PLEKHD1: variants seen among roughly 807,000 people sequenced by gnomAD.
The protein encoded by PLEKHD1 is pleckstrin homology and coiled-coil domain containing D1.
A neutral mutation model predicts 69.2 loss-of-function variants in PLEKHD1; 51 were observed. The observed-to-expected ratio is 0.74, with a 90% CI of 0.59 to 0.93. PLEKHD1 has a LOEUF of 0.93. Among genes scored for constraint, PLEKHD1 ranks in the 40% least tolerant of loss-of-function variants. The pLI is 0.00. For synonymous variants in PLEKHD1, 236 were observed against 244.7 expected, an observed-to-expected ratio of 0.96 and a Z score of 0.33; for missense variants, 584 against 641.0, an observed-to-expected ratio of 0.91 and a Z score of 0.96.
chr14:69,517,810 A>G (rs1231408260), intron 6 of PLEKHD1, among the ~76,000 whole-genome samples: 1 of 151,960 alleles, frequency 6.6e-6, no homozygotes, highest in Non-Finnish European at 1.5e-5. Context: ...TCTGTCACCT[A>G]AAGAATCACC....
At chr14:69,525,170 C>T (rs1393616971) in intron 8 of PLEKHD1, among the ~76,000 whole-genome samples, 1 of 152,108 alleles carries the variant, frequency 6.6e-6, no homozygotes, top group Admixed American at 6.6e-5. Context: ...GGTGTGTTTT[C>T]CAAACTATGA....
At chr14:69,498,057 ATTTATTTTATTTTATTTTAT>A (rs778122389) in intron 1 of PLEKHD1, among the ~76,000 whole-genome samples, 12 of 124,694 alleles carry the variant, frequency 9.6e-5, no homozygotes, top group African/African-American at 1.9e-4. Flanking sequence ...ATTTTATTTT[ATTTATTTTATTTTATTTTAT>A]TTTATTTTAT....
chr14:69,501,754 T>A lies in PLEKHD1; in HGVS notation c.431T>A (p.Leu144Gln), dbSNP rs1883030439. 2 of 1,551,392 alleles carry A rather than the reference T, an allele frequency of 1.3e-6. No individual in the cohort carries two copies. The highest frequency in any genetic ancestry group is 2.4e-5 in the South Asian group (2 of 84,038). Residue 144 changes from leucine (L) to glutamine (Q), a missense_variant, in exon 5 of 13, where the codon CTG becomes CAG. Physicochemically the swap from Leu to Gln is moderately radical, Grantham distance 113. Coordinates refer to ENST00000322564, the MANE Select transcript of PLEKHD1 (RefSeq NM_001161498.2). ...CCCAGGACCTGGAAGAATGCCCAGC[T>A]GGGAGAAGCCATGATCAAAAGCCTG... ...SGKVTWKNAQLGEAMIKSLEA... is the reference protein window; with the variant it reads ...SGKVTWKNAQQGEAMIKSLEA...
At chr14:69,483,018 A>G (rs1163814982), upstream of PLEKHD1, among the ~76,000 whole-genome samples, 1 of 152,210 alleles carries the variant, frequency 6.6e-6, no homozygotes, top group African/African-American at 2.4e-5. Context: ...CAAAAAATAT[A>G]CAGAAAATGT....
intron 6 of PLEKHD1, among the ~76,000 whole-genome samples, chr14:69,513,803 A>G (rs1484577544): frequency 6.6e-6 from 1 of 152,058 alleles, no homozygotes; most frequent in Non-Finnish European, 1.5e-5. Context: ...AATTCCCTCT[A>G]TTTTTGTTTG....
At chr14:69,518,084 T>C (rs548812358) in intron 6 of PLEKHD1, among the ~76,000 whole-genome samples, 1 of 152,232 alleles carries the variant, frequency 6.6e-6, no homozygotes, top group East Asian at 1.9e-4. Context: ...CAGGCTGGAG[T>C]GCAGTGGCAT....
chr14:69,528,667 G>A lies in PLEKHD1; in HGVS notation c.*248G>A. ...CCATGCAGGCCTGAGCTGGGTGCTG[G>A]TTGTCATGGTGAGGTGAGGACAGGA... On this transcript the variant is annotated 3_prime_UTR_variant, in exon 13 of 13. Transcript: ENST00000322564. 1.8e-6 allele frequency: 1 copy of A among 554,758 alleles called. No homozygotes were observed. Among genetic ancestry groups the A allele is most frequent in the Non-Finnish European group, 3.2e-6 (1 of 313,160 alleles). The allele number at this position is 554,758 out of a possible 1,614,324, so 34.4% of individuals were successfully genotyped here.
chr14:69,484,216 C>G (rs1882600376), upstream of PLEKHD1, among the ~76,000 whole-genome samples: 1 of 152,238 alleles, frequency 6.6e-6, no homozygotes, highest in South Asian at 2.1e-4. Context: ...TACCTGGCCA[C>G]CCGCCTGCCC....
chr14:69,487,614 G>A (rs927462599), intron 1 of PLEKHD1, among the ~76,000 whole-genome samples: 3 of 152,240 alleles, frequency 2.0e-5, no homozygotes, highest in African/African-American at 7.2e-5. Context: ...CACCGCCCAA[G>A]CAGCCCTGCC....
At chr14:69,496,957 C>T (rs1171978293) in intron 1 of PLEKHD1, among the ~76,000 whole-genome samples, 1 of 152,078 alleles carries the variant, frequency 6.6e-6, no homozygotes, top group Non-Finnish European at 1.5e-5. Flanking sequence ...CAAATACAGT[C>T]ACATGTGGGG....
At chr14:69,500,363 C>T in intron 2 of PLEKHD1, 155 bp downstream of exon 2, 1 of 735,344 alleles carries the variant, frequency 1.4e-6, no homozygotes, top group Admixed American at 2.8e-5. Context: ...CTGCCCCTGT[C>T]CTGGGCTGGA....
chr14:69,523,825 G>A (rs545176095), intron 7 of PLEKHD1, among the ~76,000 whole-genome samples: 1 of 152,322 alleles, frequency 6.6e-6, no homozygotes, highest in East Asian at 1.9e-4. Context: ...TGTGAAGAAG[G>A]CAGCAAGGAG....
chr14:69,478,769 A>T, the PLEKHD1 span, among the ~76,000 whole-genome samples: 22 of 152,296 alleles, frequency 1.4e-4, no homozygotes, highest in African/African-American at 5.1e-4. Flanking sequence ...TGCCAAAGCC[A>T]TTCAACAAAT....
chr14:69,514,926 G>C (rs1049678103), intron 6 of PLEKHD1, among the ~76,000 whole-genome samples: 5 of 152,092 alleles, frequency 3.3e-5, no homozygotes, highest in African/African-American at 1.2e-4. Flanking sequence ...GAACAGAATG[G>C]CCTCAGGCAC....
chr14:69,524,794 A>T (rs926251570), intron 8 of PLEKHD1, among the ~76,000 whole-genome samples: 1 of 152,070 alleles, frequency 6.6e-6, no homozygotes, highest in Non-Finnish European at 1.5e-5. Context: ...AGGACAAAGT[A>T]CAAACTCCTT....
chr14:69,519,427 T>C (rs1037085974), intron 6 of PLEKHD1, among the ~76,000 whole-genome samples: 2 of 152,136 alleles, frequency 1.3e-5, no homozygotes, highest in African/African-American at 4.8e-5. Flanking sequence ...TTCTGACTCA[T>C]GGGTGCCTGT....
intron 6 of PLEKHD1, among the ~76,000 whole-genome samples, chr14:69,515,160 T>C (rs1461895440): frequency 1.3e-5 from 2 of 152,182 alleles, no homozygotes; most frequent in African/African-American, 4.8e-5. Flanking sequence ...ATCACGCCAC[T>C]GCACTCCAGC....
chr14:69,469,383 C>A, the PLEKHD1 span, among the ~76,000 whole-genome samples: 1 of 151,980 alleles, frequency 6.6e-6, no homozygotes, highest in East Asian at 1.9e-4. Context: ...GCTTAAAATT[C>A]AACCATTCTT....
chr14:69,500,253 C>T (rs560580231), intron 2 of PLEKHD1, 45 bp downstream of exon 2: 33 of 1,417,374 alleles, frequency 2.3e-5, no homozygotes, highest in South Asian at 1.1e-4. Context: ...GGGCCCAGTG[C>T]GGGCATCAGA....
Sources: allele counts gnomAD v4.1 joint callset (sites outside exome capture counted in the v4.1 genomes callset), GRCh38; gene constraint gnomAD v4.1.1; transcripts MANE v1.5; gene names NCBI Gene and HGNC (gene_info 2026-07-23, HGNC 2026-07-21).